The following PPIE variants were observed in gnomAD, a reference collection of about 807,000 sequenced individuals.
The protein encoded by PPIE is peptidyl-prolyl cis-trans isomerase E.
PPIE carries 20 observed loss-of-function variants against 38.4 expected under a neutral mutation model. That is an observed-to-expected ratio of 0.52 (90% confidence interval 0.37 to 0.76). The LOEUF (loss-of-function observed/expected upper bound fraction) is 0.76, where lower values mean the gene tolerates loss of function less well. Among genes scored for constraint, PPIE ranks in the 30% least tolerant of loss-of-function variants. The probability of loss-of-function intolerance (pLI) is 0.00; values close to 1 mark genes in which losing one functional copy is unlikely to be tolerated. For synonymous variants in PPIE, 142 were observed against 135.7 expected, an observed-to-expected ratio of 1.05 and a Z score of -0.32; for missense variants, 322 against 385.8, an observed-to-expected ratio of 0.83 and a Z score of 1.39.
At chr1:39,762,751 GC>G in intron 9 of PPIE, 1 of 1,379,070 alleles carries the variant, frequency 7.3e-7, no homozygotes, top group Non-Finnish European at 9.7e-7. Flanking sequence ...AGATCACACA[GC>G]CCCCACACAG....
chr1:39,758,920 A>C (rs1386028936), downstream of PPIE: 1 of 152,224 alleles, frequency 6.6e-6, no homozygotes, highest in Non-Finnish European at 1.5e-5. Flanking sequence ...AGCTTTCCCC[A>C]GGCCCCTCCC....
Position 39,738,933 on chromosome 1 carries a change from T to C in PPIE, c.31+2T>C. On this transcript the variant is annotated splice_donor_variant, in intron 1 of 9. Transcript: ENST00000324379. LOFTEE classifies it high-confidence loss of function. ...CCACCAAGCGCGTCTTGTACGTGGG[T>C]GAGCAGGAGGGGTTGCTAGGCGGAG... 6.7e-7 allele frequency: 1 copy of C among 1,482,018 alleles called. No homozygotes were observed. The highest frequency in any genetic ancestry group is 9.0e-7 in the Non-Finnish European group (1 of 1,116,046). 91.8% of individuals were successfully genotyped at this position (1,482,018 alleles called of 1,614,324 possible).
At chr1:39,752,810 C>A in intron 8 of PPIE, 100 bp from the exon 9 acceptor site, 1 of 1,444,978 alleles carries the variant, frequency 6.9e-7, no homozygotes, top group Non-Finnish European at 9.4e-7. Flanking sequence ...ATCCCCGAGT[C>A]TGAGCCTGAC....
Position 39,745,396 on chromosome 1 carries a change from G to T in PPIE, c.406G>T (p.Ala136Ser), listed in dbSNP as rs1647170417. Residue 136 changes from alanine (A) to serine (S), a missense_variant, in exon 7 of 10, where the codon GCC becomes TCC. Ala to Ser is a moderately conservative substitution (Grantham distance 99). Coordinates refer to ENST00000324379, the MANE Select transcript of PPIE (RefSeq NM_006112.4). ...TQEGEPIAKKARSNPQVYMDI... is the reference protein window; with the variant it reads ...TQEGEPIAKKSRSNPQVYMDI... Reference sequence around the variant, plus strand: ...CTAGGGAGAGCCCATTGCTAAAAAGGCCCGCTCAAATCCTCAGGTGTACAT... The same window carrying T: ...CTAGGGAGAGCCCATTGCTAAAAAGTCCCGCTCAAATCCTCAGGTGTACAT... 6.2e-7 allele frequency: 1 copy of T among 1,614,212 alleles called. No homozygotes were observed. Among genetic ancestry groups the T allele is most frequent in the African/African-American group, 1.3e-5 (1 of 75,056 alleles).
intron 7 of PPIE, chr1:39,748,427 C>T (rs1647348742): frequency 6.4e-6 from 1 of 155,666 alleles, no homozygotes; most frequent in African/African-American, 2.4e-5. Flanking sequence ...TATATTCAAT[C>T]CCCCTTCAAC....
downstream of PPIE, chr1:39,757,865 C>T (rs1648457238): frequency 6.6e-6 from 1 of 152,188 alleles, no homozygotes; most frequent in South Asian, 2.1e-4. Flanking sequence ...TATTTTATTT[C>T]ATTTGGTGAC....
downstream of PPIE, chr1:39,757,294 T>C (rs964175302): frequency 2.0e-5 from 3 of 152,308 alleles, no homozygotes; most frequent in Admixed American, 6.5e-5. Context: ...ATGTCAGACA[T>C]CCCAAAGATT....
At chr1:39,741,949 A>C in intron 4 of PPIE, 28 bp downstream of exon 4, 1 of 1,613,956 alleles carries the variant, frequency 6.2e-7, no homozygotes, top group Non-Finnish European at 8.5e-7. Context: ...AATTCTAACT[A>C]AAGTTGCTTT....
At chr1:39,763,174 G>A (rs147323607) in intron 9 of PPIE, 387 of 1,613,656 alleles carry the variant, frequency 2.4e-4, no homozygotes, top group Non-Finnish European at 2.9e-4. Flanking sequence ...GTAATAGGCC[G>A]AGTAGCCTTG....
downstream of PPIE, chr1:39,760,602 G>A (rs752464896): frequency 3.7e-6 from 6 of 1,603,928 alleles, no homozygotes; most frequent in African/African-American, 8.0e-5. Flanking sequence ...AGGGGCATGA[G>A]CCCAGTGGCC....
intron 9 of PPIE, chr1:39,762,432 C>A: frequency 6.9e-7 from 1 of 1,451,294 alleles, no homozygotes; most frequent in Non-Finnish European, 9.1e-7. Context: ...AAGGAAGCCT[C>A]GGTGCCAGAA....
At chr1:39,760,388 G>C (rs1648772458), downstream of PPIE, 1 of 1,611,818 alleles carries the variant, frequency 6.2e-7, no homozygotes. Context: ...CAGATGAGAA[G>C]GGTGGCTGCA....
chr1:39,760,563 G>A (rs760811972), downstream of PPIE: 85 of 1,613,518 alleles, frequency 5.3e-5, no homozygotes, highest in Non-Finnish European at 7.1e-5. Context: ...GCATCATCAG[G>A]TGCACCTGGC....
intron 5 of PPIE, 23 bp from the exon 6 acceptor site, chr1:39,743,801 T>C (rs112661169): frequency 9.2e-5 from 145 of 1,582,584 alleles, no homozygotes; most frequent in African/African-American, 6.2e-4. Context: ...TGAATGAACA[T>C]TTGTTTGATT....
Position 39,756,572 on chromosome 1 carries a change from T to C in PPIE, c.*3217T>C, listed in dbSNP as rs1053794001. ...ACGGCAACCTCTGAAGAAGGAATTA[T>C]AGAACCAACTTTTTATTGTTGAAAA... On this transcript the variant is annotated 3_prime_UTR_variant, in exon 10 of 10. Transcript: ENST00000324379. 9 of 985,306 alleles carry C rather than the reference T, an allele frequency of 9.1e-6. No individual in the cohort carries two copies. Among genetic ancestry groups the C allele is most frequent in the African/African-American group, 5.2e-5 (3 of 57,252 alleles). 61.0% of individuals were successfully genotyped at this position (985,306 alleles called of 1,614,324 possible).
intron 2 of PPIE, 51 bp downstream of exon 2, chr1:39,740,314 A>C: frequency 6.9e-7 from 1 of 1,447,950 alleles, no homozygotes; most frequent in East Asian, 2.3e-5. Context: ...AAAATACCTT[A>C]AAAAATTAAA....
chr1:39,744,921 T>G (rs1647155955), intron 6 of PPIE, among the ~76,000 whole-genome samples: 1 of 152,136 alleles, frequency 6.6e-6, no homozygotes, highest in Non-Finnish European at 1.5e-5. Context: ...CCCCCTTGCT[T>G]CCATGTAGTT....
chr1:39,758,737 T>G (rs987573383), downstream of PPIE: 1 of 152,316 alleles, frequency 6.6e-6, no homozygotes, highest in Admixed American at 6.5e-5. Flanking sequence ...AGGCCAGAGC[T>G]GAGATCCCTG....
At chr1:39,740,850 G>A (rs188091631) in intron 2 of PPIE, among the ~76,000 whole-genome samples, 16 of 152,288 alleles carry the variant, frequency 1.1e-4, no homozygotes, top group Admixed American at 1.0e-3. Flanking sequence ...ATCTTTATTT[G>A]CAAAATGATA....
Sources: gnomAD v4.1 joint callset for allele counts (sites outside exome capture counted in the v4.1 genomes callset) on GRCh38, gnomAD v4.1.1 for gene constraint, MANE v1.5 for transcripts, NCBI Gene and HGNC (gene_info 2026-07-23, HGNC 2026-07-21) for gene names.